STT3B: variants seen among roughly 807,000 people sequenced by gnomAD.
STT3B encodes the protein STT3 oligosaccharyltransferase complex catalytic subunit B.
Under a neutral mutation model 96.8 loss-of-function variants are expected in STT3B, and 29 were observed. That is an observed-to-expected ratio of 0.30 (90% CI 0.22 to 0.41). STT3B has a LOEUF of 0.41. Among genes scored for constraint, STT3B ranks in the 10% least tolerant of loss-of-function variants. STT3B has a pLI of 1.00. For synonymous variants in STT3B, 367 were observed against 360.0 expected, an observed-to-expected ratio of 1.02 and a Z score of -0.22; for missense variants, 640 against 1,022.3, an observed-to-expected ratio of 0.63 and a Z score of 5.10.
chr3:31,614,094 TATTC>T (rs1382438694), intron 5 of STT3B, among the ~76,000 whole-genome samples: 1 of 151,996 alleles, frequency 6.6e-6, no homozygotes, highest in Non-Finnish European at 1.5e-5. Flanking sequence ...AGCAAATGAA[TATTC>T]TTTCTCATCT....
chr3:31,613,773 C>T (rs181058573), intron 5 of STT3B, among the ~76,000 whole-genome samples: 7 of 151,718 alleles, frequency 4.6e-5, no homozygotes, highest in South Asian at 2.1e-4. Flanking sequence ...GGTCATGTGA[C>T]GGGGAAATTT....
intron 1 of STT3B, among the ~76,000 whole-genome samples, chr3:31,561,738 G>A (rs1197701957): frequency 1.3e-5 from 2 of 152,022 alleles, no homozygotes; most frequent in African/African-American, 2.4e-5. Flanking sequence ...TTTTACTTTG[G>A]TATCTGCACA....
At chr3:31,618,266 A>G (rs1699353004) in intron 8 of STT3B, among the ~76,000 whole-genome samples, 1 of 123,012 alleles carries the variant, frequency 8.1e-6, no homozygotes, top group Admixed American at 9.2e-5. Context: ...CCTTTGTGCA[A>G]TTTAAAGATT....
Position 31,623,845 on chromosome 3 carries a change from T to C in STT3B, c.1711T>C (p.Ser571Pro). Residue 571 changes from serine to proline, a missense_variant, in exon 11 of 16, where the codon TCA becomes CCA. By Grantham distance (74) the Ser-to-Pro change is moderately conservative. This residue lies in a region of STT3B where 149 missense variants were observed against 250.2 expected (regional missense o/e 0.60). Transcript: ENST00000295770. ...AYSSPSVVLA[S>P]YNHDGTRNIL... ...CTCTAGTCCAAGTGTAGTCCTGGCCTCATACAATCATGATGGGTAAGAAAA... is the reference window on the plus strand; with the variant it reads ...CTCTAGTCCAAGTGTAGTCCTGGCCCCATACAATCATGATGGGTAAGAAAA... The C allele has an allele frequency of 6.2e-7, 1 of 1,601,090 alleles. No homozygotes were observed. The highest frequency in any genetic ancestry group is 8.5e-7 in the Non-Finnish European group (1 of 1,172,586).
chr3:31,613,133 G>A (rs538667324), intron 5 of STT3B, among the ~76,000 whole-genome samples: 1 of 152,186 alleles, frequency 6.6e-6, no homozygotes, highest in Admixed American at 6.5e-5. Flanking sequence ...GGACTATAGA[G>A]GGGTAGTGGT....
chr3:31,541,100 G>C (rs1243370775), intron 1 of STT3B, among the ~76,000 whole-genome samples: 1 of 152,146 alleles, frequency 6.6e-6, no homozygotes, highest in Non-Finnish European at 1.5e-5. Flanking sequence ...AGTCTTAAAT[G>C]TTTCTATAAA....
At chr3:31,597,371 G>T (rs1215760984) in intron 4 of STT3B, among the ~76,000 whole-genome samples, 9 of 151,524 alleles carry the variant, frequency 5.9e-5, no homozygotes, top group Non-Finnish European at 1.3e-4. Context: ...TGTTGGCCAG[G>T]CTGGTCTTGT....
At chr3:31,600,544 A>T (rs1460646844) in intron 5 of STT3B, 85 bp downstream of exon 5, 2 of 625,526 alleles carry the variant, frequency 3.2e-6, no homozygotes, top group Non-Finnish European at 5.5e-6. Flanking sequence ...CTATTTGGTC[A>T]ATATTATGCA....
intron 9 of STT3B, among the ~76,000 whole-genome samples, chr3:31,621,210 A>G (rs541930470): frequency 8.5e-5 from 13 of 152,316 alleles, no homozygotes; most frequent in Admixed American, 3.9e-4. Context: ...AAAAGAGAAC[A>G]TTTTTATGTG....
At chr3:31,556,040 C>T (rs557526457) in intron 1 of STT3B, among the ~76,000 whole-genome samples, 57 of 152,168 alleles carry the variant, frequency 3.7e-4, no homozygotes, top group Admixed American at 3.3e-3. Flanking sequence ...AATCTCTCTT[C>T]ATCTCTGCTT....
At chr3:31,540,809 G>A (rs777247806) in intron 1 of STT3B, among the ~76,000 whole-genome samples, 1 of 152,082 alleles carries the variant, frequency 6.6e-6, no homozygotes, top group Non-Finnish European at 1.5e-5. Context: ...TTAAATTATT[G>A]TTTGTTGCTG....
chr3:31,558,783 C>G (rs1210849465), intron 1 of STT3B, among the ~76,000 whole-genome samples: 1 of 151,544 alleles, frequency 6.6e-6, no homozygotes, highest in Non-Finnish European at 1.5e-5. Context: ...GACAGTGAAG[C>G]CATCAATTCC....
intron 3 of STT3B, among the ~76,000 whole-genome samples, chr3:31,581,048 GATAAT>G (rs567353583): frequency 6.6e-6 from 1 of 152,120 alleles, no homozygotes; most frequent in South Asian, 2.1e-4. Flanking sequence ...GCTAGATCCT[GATAAT>G]ATAATGCTTA....
At position 31,632,996 on chromosome 3, in the gene STT3B, A is replaced by G. The variant is rs760322989; in HGVS notation, c.2249A>G (p.Asp750Gly). ...CGTAATGCTGAGATTGGAAATAAGG[A>G]CATTAAATTCAAACATTTGGAAGAA... ...RTRNAEIGNK[D>G]IKFKHLEEAF... The change falls in exon 15 of 16, where the codon GAC (aspartate) becomes GGC (glycine). Residue 750 changes from aspartate to glycine, a missense_variant. Physicochemically the swap from Asp to Gly is moderately conservative, Grantham distance 94. This residue lies in a region of STT3B where 40 missense variants were observed against 122.2 expected (regional missense o/e 0.33). Coordinates refer to ENST00000295770, the MANE Select transcript of STT3B (RefSeq NM_178862.3). The G allele has an allele frequency of 5.6e-6, 9 of 1,614,136 alleles. No homozygotes were observed. Among genetic ancestry groups the G allele is most frequent in the Non-Finnish European group, 7.6e-6 (9 of 1,179,980 alleles).
intron 9 of STT3B, among the ~76,000 whole-genome samples, chr3:31,621,266 G>A (rs960947660): frequency 9.2e-5 from 14 of 152,136 alleles, no homozygotes; most frequent in African/African-American, 2.9e-4. Flanking sequence ...TAATTCTTTA[G>A]AAGTCTAAAT....
At chr3:31,555,454 A>C (rs1697682068) in intron 1 of STT3B, among the ~76,000 whole-genome samples, 1 of 152,170 alleles carries the variant, frequency 6.6e-6, no homozygotes, top group African/African-American at 2.4e-5. Flanking sequence ...GATACACTTA[A>C]TCAAAACTTA....
At chr3:31,566,211 A>G (rs1030062941) in intron 1 of STT3B, among the ~76,000 whole-genome samples, 1 of 152,178 alleles carries the variant, frequency 6.6e-6, no homozygotes, top group African/African-American at 2.4e-5. Context: ...CAGTGCCCAG[A>G]AGGTGATACA....
intron 5 of STT3B, among the ~76,000 whole-genome samples, chr3:31,603,390 G>A (rs528813508): frequency 6.6e-6 from 1 of 152,048 alleles, no homozygotes; most frequent in Admixed American, 6.6e-5. Flanking sequence ...GGAGGTGTAA[G>A]AAAAGCTGAG....
At chr3:31,539,533 TAA>T (rs911536338) in intron 1 of STT3B, among the ~76,000 whole-genome samples, 6 of 152,164 alleles carry the variant, frequency 3.9e-5, no homozygotes, top group African/African-American at 1.4e-4. Flanking sequence ...CCAGCTTAAA[TAA>T]AAGTGTCCTC....
Sources: allele counts gnomAD v4.1 joint callset (sites outside exome capture counted in the v4.1 genomes callset), GRCh38; gene constraint gnomAD v4.1.1; regional missense constraint gnomAD v4.1.1; transcripts MANE v1.5; gene names NCBI Gene and HGNC (gene_info 2026-07-23, HGNC 2026-07-21).